Variants in ABCG2 observed in about 807,000 individuals in gnomAD.
The protein encoded by ABCG2 is broad substrate specificity ATP-binding cassette transporter ABCG2.
A neutral mutation model predicts 73.5 loss-of-function variants in ABCG2; 80 were observed. The observed-to-expected ratio is 1.09, with a 90% CI of 0.91 to 1.31. The LOEUF (loss-of-function observed/expected upper bound fraction) is 1.31, where lower values mean the gene tolerates loss of function less well. Among genes scored for constraint, ABCG2 ranks in the 50% most tolerant of loss-of-function variants. ABCG2 has a pLI of 0.00. For synonymous variants in ABCG2, 269 were observed against 282.4 expected, an observed-to-expected ratio of 0.95 and a Z score of 0.48; for missense variants, 796 against 786.2, an observed-to-expected ratio of 1.01 and a Z score of -0.15.
intron 1 of ABCG2, among the ~76,000 whole-genome samples, chr4:88,188,692 G>T (rs1353940476): frequency 6.6e-6 from 1 of 152,168 alleles, no homozygotes; most frequent in Non-Finnish European, 1.5e-5. Flanking sequence ...TCTGTAGACT[G>T]TGTTGGGTAG....
chr4:88,208,522 C>T (rs1729464722), intron 1 of ABCG2, among the ~76,000 whole-genome samples: 1 of 152,304 alleles, frequency 6.6e-6, no homozygotes, highest in Admixed American at 6.5e-5. Flanking sequence ...ACCAAAATTA[C>T]AGAGTCTCAG....
chr4:88,164,581 ATTGTAAGT>A (rs1225228817), intron 1 of ABCG2, among the ~76,000 whole-genome samples: 1 of 152,068 alleles, frequency 6.6e-6, no homozygotes, highest in Admixed American at 6.6e-5. Flanking sequence ...TTCTGCCATG[ATTGTAAGT>A]TTCCTGAGGC....
chr4:88,212,218 A>C (rs960613140), intron 1 of ABCG2, among the ~76,000 whole-genome samples: 1 of 152,206 alleles, frequency 6.6e-6, no homozygotes, highest in African/African-American at 2.4e-5. Context: ...CTACCAAAAA[A>C]TATGAACATC....
At chr4:88,132,725 T>C (rs903451703) in intron 2 of ABCG2, 90 bp from the exon 3 acceptor site, 22 of 1,383,734 alleles carry the variant, frequency 1.6e-5, no homozygotes, top group African/African-American at 4.3e-5. Flanking sequence ...TCAATGAAGG[T>C]TGATGAAATT....
chr4:88,224,524 C>T (rs528327772), intron 1 of ABCG2, among the ~76,000 whole-genome samples: 1 of 151,526 alleles, frequency 6.6e-6, no homozygotes, highest in Non-Finnish European at 1.5e-5. Flanking sequence ...CAGGGTCTCT[C>T]TCTGTTGCCC....
chr4:88,141,182 C>A (rs1725616473), intron 1 of ABCG2, among the ~76,000 whole-genome samples: 1 of 151,912 alleles, frequency 6.6e-6, no homozygotes, highest in Admixed American at 6.6e-5. Context: ...CAAAAGTAGA[C>A]CAAAAAAAGT....
At chr4:88,189,681 CTG>C (rs1410787007) in intron 1 of ABCG2, among the ~76,000 whole-genome samples, 1 of 152,166 alleles carries the variant, frequency 6.6e-6, no homozygotes, top group East Asian at 1.9e-4. Flanking sequence ...ATTACAACAT[CTG>C]TGAACAGAAA....
intron 1 of ABCG2, among the ~76,000 whole-genome samples, chr4:88,222,140 G>A (rs1730033157): frequency 1.3e-5 from 2 of 152,236 alleles, no homozygotes; most frequent in South Asian, 4.1e-4. Flanking sequence ...TGCCTCAGTG[G>A]GTGTAAGCCC....
At chr4:88,182,608 AC>A in intron 1 of ABCG2, among the ~76,000 whole-genome samples, 1 of 152,322 alleles carries the variant, frequency 6.6e-6, no homozygotes, top group East Asian at 1.9e-4. Flanking sequence ...AATTTTGGAA[AC>A]TATACAAACA....
intron 5 of ABCG2, among the ~76,000 whole-genome samples, chr4:88,125,607 CAAAAAAAAAAAAAAA>C (rs70957302): frequency 5.7e-5 from 2 of 34,952 alleles, no homozygotes; most frequent in Admixed American, 5.4e-4. Context: ...GACTCTGTCT[CAAAAAAAAAAAAAAA>C]AAAAAAAAAA....
At chr4:88,180,018 C>T (rs1728170715) in intron 1 of ABCG2, among the ~76,000 whole-genome samples, 1 of 152,066 alleles carries the variant, frequency 6.6e-6, no homozygotes, top group Admixed American at 6.5e-5. Flanking sequence ...GAAATTTATT[C>T]AAAGGACAAT....
intron 1 of ABCG2, among the ~76,000 whole-genome samples, chr4:88,141,745 GAA>G (rs1422595646): frequency 1.3e-5 from 2 of 151,948 alleles, no homozygotes; most frequent in Non-Finnish European, 2.9e-5. Flanking sequence ...TAAAAATAAT[GAA>G]AAAAATTTTT....
upstream of ABCG2, among the ~76,000 whole-genome samples, chr4:88,161,167 TA>T (rs1268510303): frequency 1.2e-3 from 114 of 96,842 alleles, 1 homozygote; most frequent in Middle Eastern, 4.5e-3. Context: ...TTTTTTTTTT[TA>T]ATTTTTTTTT....
At chr4:88,200,512 A>G (rs1250390231) in intron 1 of ABCG2, among the ~76,000 whole-genome samples, 1 of 152,000 alleles carries the variant, frequency 6.6e-6, no homozygotes, top group East Asian at 1.9e-4. Flanking sequence ...AAGATCAGAA[A>G]ATCAATAAAG....
chr4:88,125,627 A>C (rs1281895077), intron 5 of ABCG2, among the ~76,000 whole-genome samples: 3 of 149,568 alleles, frequency 2.0e-5, no homozygotes, highest in Admixed American at 1.3e-4. Flanking sequence ...AAAAAAAAAA[A>C]AAAAAAAAAC....
chr4:88,093,793 C>A (rs1167204129), intron 15 of ABCG2, among the ~76,000 whole-genome samples: 1 of 152,180 alleles, frequency 6.6e-6, no homozygotes, highest in East Asian at 1.9e-4. Flanking sequence ...TATCAACATT[C>A]TCTTTTCTCT....
At chr4:88,163,593 G>T (rs913690540), upstream of ABCG2, 4 of 167,470 alleles carry the variant, frequency 2.4e-5, no homozygotes, top group Non-Finnish European at 5.2e-5. Context: ...CTCCTGCAAA[G>T]AAAAGCGGCG....
At chr4:88,216,822 G>A (rs1452835876) in intron 1 of ABCG2, among the ~76,000 whole-genome samples, 2 of 152,070 alleles carry the variant, frequency 1.3e-5, no homozygotes, top group African/African-American at 4.8e-5. Context: ...CTGAGGTCAG[G>A]AGTTCAAGAC....
At position 88,229,253 on chromosome 4, in the gene ABCG2, TACCAGGCCTC is replaced by T. The variant is rs201786376; in HGVS notation, c.-20+1731_-20+1740del. On this transcript the variant is annotated intron_variant, in intron 1 of 15. Coordinates refer to the ABCG2 transcript ENST00000515655. ...CTCTGGACACAGTTCCATGTGTTCA[TACCAGGCCTC>T]ACCAGGCCTGCACACTCCTCTGACT... Among the ~76,000 whole-genome samples, 19 of 152,320 alleles carry T rather than the reference TACCAGGCCTC, an allele frequency of 1.2e-4. No homozygotes were observed. In the East Asian group the frequency reaches 3.1e-3, roughly 25 times the overall value.
Sources: gnomAD v4.1 joint callset for allele counts (sites outside exome capture counted in the v4.1 genomes callset) on GRCh38, gnomAD v4.1.1 for gene constraint, MANE v1.5 for transcripts, NCBI Gene and HGNC (gene_info 2026-07-23, HGNC 2026-07-21) for gene names.